The following GMDS variants were observed in gnomAD, a reference collection of about 807,000 sequenced individuals.
GMDS encodes the protein GDP-mannose 4,6 dehydratase.
GMDS carries 20 observed loss-of-function variants against 49.9 expected under a neutral mutation model. The ratio of observed to expected loss-of-function variants is 0.40; its 90% confidence interval spans 0.28 to 0.58. The LOEUF is 0.58. GMDS is among the 20% of genes least tolerant of loss of function. The probability of loss-of-function intolerance (pLI) is 0.42; values close to 1 mark genes in which losing one functional copy is unlikely to be tolerated. For missense variants in GMDS, 362 were observed against 481.4 expected (o/e 0.75, Z 2.32); for synonymous variants, 177 against 178.6 (o/e 0.99, Z 0.07).
chr6:1,912,209 T>A (rs536077697), intron 7 of GMDS, among the ~76,000 whole-genome samples: 3 of 151,876 alleles, frequency 2.0e-5, no homozygotes, highest in African/African-American at 7.3e-5. Flanking sequence ...CTACTAAAAA[T>A]ACAAAAATTA....
At chr6:2,075,151 A>AT (rs1377385333) in intron 4 of GMDS, among the ~76,000 whole-genome samples, 2 of 151,654 alleles carry the variant, frequency 1.3e-5, no homozygotes, top group African/African-American at 4.8e-5. Context: ...CATTAGAATT[A>AT]TTTTTTCTAT....
chr6:1,767,909 T>G (rs1354390816), intron 7 of GMDS, among the ~76,000 whole-genome samples: 1 of 152,122 alleles, frequency 6.6e-6, no homozygotes, highest in Non-Finnish European at 1.5e-5. Context: ...GCTGTAGAAT[T>G]GCTCAGTGTT....
intron 4 of GMDS, among the ~76,000 whole-genome samples, chr6:2,049,401 C>T (rs889571809): frequency 6.6e-6 from 1 of 152,184 alleles, no homozygotes; most frequent in Non-Finnish European, 1.5e-5. Context: ...AACGCTGTCT[C>T]ATTTGCTGTA....
chr6:2,204,396 T>C (rs1170131789), intron 1 of GMDS, among the ~76,000 whole-genome samples: 1 of 152,196 alleles, frequency 6.6e-6, no homozygotes, highest in African/African-American at 2.4e-5. Flanking sequence ...GTGTAAAGGA[T>C]ACCCTTTCAC....
intron 4 of GMDS, among the ~76,000 whole-genome samples, chr6:2,110,063 G>T (rs1161724668): frequency 6.6e-6 from 1 of 152,084 alleles, no homozygotes; most frequent in African/African-American, 2.4e-5. Flanking sequence ...TTTTTAATAG[G>T]CTACCCCCTA....
chr6:1,662,177 C>T (rs1764102342), intron 9 of GMDS, among the ~76,000 whole-genome samples: 1 of 152,114 alleles, frequency 6.6e-6, no homozygotes, highest in Non-Finnish European at 1.5e-5. Flanking sequence ...TTATTTAATC[C>T]TCAGATCAGC....
chr6:2,034,549 T>C lies in GMDS; in HGVS notation c.346-73583A>G, dbSNP rs573812984. Among the ~76,000 whole-genome samples the C allele has an allele frequency of 2.0e-3, 300 of 152,340 alleles. 1 individual carries two copies. Among genetic ancestry groups the C allele is most frequent in the African/African-American group, 6.8e-3 (284 of 41,580 alleles). On this transcript the variant is annotated intron_variant, in intron 4 of 10. Coordinates refer to ENST00000380815, the MANE Select transcript of GMDS (RefSeq NM_001500.4). ...GTTGTACTTTAAATAGTTGAATTTA[T>C]GGTATGTGGATTTTAATGTCAACAA...
intron 1 of GMDS, among the ~76,000 whole-genome samples, chr6:2,190,323 G>T (rs1188121381): frequency 6.6e-6 from 1 of 152,126 alleles, no homozygotes. Context: ...TAAAAAAATA[G>T]TAAAAGGAAA....
At chr6:1,732,634 C>T (rs547611800) in intron 8 of GMDS, among the ~76,000 whole-genome samples, 2 of 152,258 alleles carry the variant, frequency 1.3e-5, no homozygotes, top group South Asian at 2.1e-4. Context: ...TTTCCAGAAA[C>T]AAATAATTAT....
chr6:1,644,578 A>G (rs1423409079), intron 9 of GMDS, among the ~76,000 whole-genome samples: 1 of 152,120 alleles, frequency 6.6e-6, no homozygotes, highest in Non-Finnish European at 1.5e-5. Context: ...GTCAGCCAAC[A>G]TTTCTCAGCA....
chr6:1,969,881 C>G (rs1378513069), intron 4 of GMDS, among the ~76,000 whole-genome samples: 1 of 152,168 alleles, frequency 6.6e-6, no homozygotes, highest in East Asian at 1.9e-4. Flanking sequence ...GTTAAGGGCT[C>G]TGTTTGTTTT....
At chr6:2,025,287 CTTATATA>C (rs1012420762) in intron 4 of GMDS, among the ~76,000 whole-genome samples, 1 of 150,430 alleles carries the variant, frequency 6.6e-6, no homozygotes, top group Non-Finnish European at 1.5e-5. Context: ...CCATTAAGAT[CTTATATA>C]TTATTAAATA....
At chr6:2,159,518 T>C (rs1420838560) in intron 1 of GMDS, among the ~76,000 whole-genome samples, 5 of 138,538 alleles carry the variant, frequency 3.6e-5, no homozygotes, top group South Asian at 2.4e-4. Context: ...TTTTTTCTTT[T>C]TTTTTTTTTT....
At chr6:1,832,187 T>C (rs1756678210) in intron 7 of GMDS, among the ~76,000 whole-genome samples, 1 of 150,858 alleles carries the variant, frequency 6.6e-6, no homozygotes, top group African/African-American at 2.4e-5. Context: ...GTTCAGGAGT[T>C]TGAGACCAGC....
chr6:2,168,440 G>A (rs1046090894), intron 1 of GMDS, among the ~76,000 whole-genome samples: 4 of 152,190 alleles, frequency 2.6e-5, no homozygotes, highest in Non-Finnish European at 5.9e-5. Context: ...CTCAGAATGT[G>A]AGGCAAGAAA....
chr6:2,079,905 A>G (rs1025473671), intron 4 of GMDS, among the ~76,000 whole-genome samples: 2 of 152,182 alleles, frequency 1.3e-5, no homozygotes, highest in East Asian at 1.9e-4. Context: ...GAGTTTTCCA[A>G]TCCTTTTGTT....
intron 1 of GMDS, among the ~76,000 whole-genome samples, chr6:2,201,830 C>T (rs234952): frequency 0.043 from 2,959 of 68,058 alleles, 95 homozygotes; most frequent in South Asian, 0.15. Flanking sequence ...AGCAGAGAGG[C>T]GAAGGATGAA....
At chr6:1,963,742 G>A (rs932166802) in intron 4 of GMDS, among the ~76,000 whole-genome samples, 3 of 152,116 alleles carry the variant, frequency 2.0e-5, no homozygotes, top group African/African-American at 4.8e-5. Context: ...TTGGGAGAGC[G>A]GGTGTCAGGG....
rs1420785597 is a variant in GMDS at position 1,836,809 on chromosome 6, C to G, written c.771+93294G>C. Among the ~76,000 whole-genome samples the G allele has an allele frequency of 6.6e-6, 1 of 152,184 alleles. No individual in the cohort carries two copies. The highest frequency in any genetic ancestry group is 6.5e-5 in the Admixed American group (1 of 15,268). On this transcript the variant is annotated intron_variant, in intron 7 of 10. Coordinates refer to ENST00000380815, the MANE Select transcript of GMDS (RefSeq NM_001500.4). This position sits in a 1 kb window ranked among gnomAD's most constrained non-coding sequence, Gnocchi z 4.2. ...GAGGACACCTGAATTACATAAATCTCTATCACAAAGTTACAATTTCTGTGC... is the reference window on the plus strand; with the variant it reads ...GAGGACACCTGAATTACATAAATCTGTATCACAAAGTTACAATTTCTGTGC...
Sources: gnomAD v4.1 joint callset for allele counts (sites outside exome capture counted in the v4.1 genomes callset) on GRCh38, gnomAD v4.1.1 for gene constraint, Gnocchi (gnomAD v3.1) non-coding constraint, MANE v1.5 for transcripts, NCBI Gene and HGNC (gene_info 2026-07-23, HGNC 2026-07-21) for gene names.